DGKB: variants seen among roughly 807,000 people sequenced by gnomAD.
DGKB encodes the protein 90 kDa diacylglycerol kinase.
Under a neutral mutation model 114.3 loss-of-function variants are expected in DGKB, and 67 were observed. That is an observed-to-expected ratio of 0.59 (90% CI 0.48 to 0.72). DGKB has a LOEUF of 0.72. DGKB is among the 30% of genes least tolerant of loss of function. DGKB has a pLI of 0.00. For missense variants in DGKB, 907 were observed against 975.2 expected (o/e 0.93, Z 0.93); for synonymous variants, 398 against 323.1 (o/e 1.23, Z -2.49).
chr7:14,235,657 TA>T (rs1792648735), intron 23 of DGKB, among the ~76,000 whole-genome samples: 1 of 152,088 alleles, frequency 6.6e-6, no homozygotes, highest in South Asian at 2.1e-4. Context: ...AAACCTGAAG[TA>T]AAGCACCACT....
chr7:14,504,056 G>T (rs1786630336), intron 20 of DGKB, among the ~76,000 whole-genome samples: 1 of 152,100 alleles, frequency 6.6e-6, no homozygotes, highest in Non-Finnish European at 1.5e-5. Flanking sequence ...GTTATGTTTG[G>T]TATCTAAATG....
intron 5 of DGKB, among the ~76,000 whole-genome samples, chr7:14,730,026 G>A (rs761655787): frequency 2.0e-4 from 30 of 152,198 alleles, no homozygotes; most frequent in Admixed American, 5.9e-4. Flanking sequence ...AAACTGTTAC[G>A]CTGACCTGCA....
chr7:14,780,392 G>T (rs913615990), intron 2 of DGKB, among the ~76,000 whole-genome samples: 1 of 152,104 alleles, frequency 6.6e-6, no homozygotes, highest in Non-Finnish European at 1.5e-5. Flanking sequence ...TTATTCTACA[G>T]TTTCAAAACC....
At chr7:14,770,785 A>G (rs1046062701) in intron 2 of DGKB, among the ~76,000 whole-genome samples, 46 of 152,188 alleles carry the variant, frequency 3.0e-4, no homozygotes, top group African/African-American at 1.0e-3. Context: ...TTTCACTAAC[A>G]GCTGAACAGA....
At chr7:14,259,429 GGTTTT>G (rs1254602004) in intron 23 of DGKB, among the ~76,000 whole-genome samples, 2 of 139,676 alleles carry the variant, frequency 1.4e-5, no homozygotes, top group African/African-American at 5.5e-5. Flanking sequence ...ATATATATAT[GGTTTT>G]GTTTTGTTAT....
Position 14,789,404 on chromosome 7 carries a change from T to C in DGKB, c.71-31673A>G, listed in dbSNP as rs73276082. ...TCAAAAATGCTATGTGCATCCATGT[T>C]GTTGCATTTATTATTGATCCATCCA... On this transcript the variant is annotated intron_variant, in intron 2 of 25. Transcript: ENST00000402815. Among the ~76,000 whole-genome samples, 993 of 152,286 alleles carry C rather than the reference T, an allele frequency of 6.5e-3. 13 individuals carry two copies. Among genetic ancestry groups the C allele is most frequent in the African/African-American group, 0.023 (936 of 41,562 alleles).
chr7:14,810,975 C>T (rs1450558452), intron 2 of DGKB, among the ~76,000 whole-genome samples: 1 of 152,000 alleles, frequency 6.6e-6, no homozygotes, highest in Non-Finnish European at 1.5e-5. Flanking sequence ...TTGGAGTAGC[C>T]ACCTTTCACC....
intron 13 of DGKB, among the ~76,000 whole-genome samples, chr7:14,647,059 AACG>A (rs1184900281): frequency 6.6e-6 from 1 of 151,916 alleles, no homozygotes; most frequent in Non-Finnish European, 1.5e-5. Context: ...GATAAACTAA[AACG>A]ACAATTAGAC....
intron 6 of DGKB, among the ~76,000 whole-genome samples, chr7:14,708,890 G>A (rs1278850780): frequency 7.5e-4 from 113 of 150,432 alleles, no homozygotes; most frequent in Middle Eastern, 3.4e-3. Flanking sequence ...TTTACCATTC[G>A]GGACATAGGC....
At position 14,671,531 on chromosome 7, in the gene DGKB, C is replaced by T. The variant is rs967830732; in HGVS notation, c.1134+1398G>A. 5.3e-5 allele frequency among the ~76,000 whole-genome samples: 8 copies of T among 152,236 alleles called. No homozygotes were observed. The East Asian group carries it at 1.4e-3, about 26-fold the overall frequency. ...AAGACAAGAAAATTCACGTAACACA[C>T]GCTCTTTACATTTGATTCTCTCAAA... On this transcript the variant is annotated intron_variant, in intron 13 of 25. Transcript: ENST00000402815.
At chr7:14,779,427 C>T (rs992759628) in intron 2 of DGKB, among the ~76,000 whole-genome samples, 8 of 151,998 alleles carry the variant, frequency 5.3e-5, no homozygotes, top group African/African-American at 9.7e-5. Context: ...GTCCCAACTA[C>T]GCAGGAGGTT....
At chr7:14,598,833 T>TC in intron 17 of DGKB, among the ~76,000 whole-genome samples, 1 of 152,304 alleles carries the variant, frequency 6.6e-6, no homozygotes, top group Non-Finnish European at 1.5e-5. Context: ...ATGCTCTTTT[T>TC]CTCACATACA....
At chr7:14,517,148 G>C (rs1788940186) in intron 20 of DGKB, among the ~76,000 whole-genome samples, 1 of 151,840 alleles carries the variant, frequency 6.6e-6, no homozygotes, top group Non-Finnish European at 1.5e-5. Context: ...TCAGAAATAA[G>C]GCCATGCACC....
intron 1 of DGKB, among the ~76,000 whole-genome samples, chr7:14,924,053 G>A (rs1784636585): frequency 6.8e-6 from 1 of 148,146 alleles, no homozygotes; most frequent in Non-Finnish European, 1.5e-5. Flanking sequence ...CCTGAAGGCA[G>A]AAGGCAGGTC....
intron 1 of DGKB, among the ~76,000 whole-genome samples, chr7:14,910,376 C>T (rs1301352669): frequency 6.6e-6 from 1 of 151,222 alleles, no homozygotes. Flanking sequence ...AAAAACACAC[C>T]TATGATAAGT....
intron 13 of DGKB, among the ~76,000 whole-genome samples, chr7:14,645,774 C>A (rs564852919): frequency 6.6e-6 from 1 of 151,778 alleles, no homozygotes; most frequent in East Asian, 1.9e-4. Context: ...GTAAAGTTTT[C>A]TCAGACAAGC....
intron 21 of DGKB, among the ~76,000 whole-genome samples, chr7:14,351,836 T>C (rs1014856887): frequency 5.3e-5 from 8 of 152,202 alleles, no homozygotes; most frequent in African/African-American, 1.9e-4. Flanking sequence ...ACACATGTTA[T>C]AGAAAGAACT....
intron 1 of DGKB, among the ~76,000 whole-genome samples, chr7:14,858,432 A>G (rs1850493670): frequency 6.6e-6 from 1 of 152,222 alleles, no homozygotes; most frequent in Non-Finnish European, 1.5e-5. Context: ...AATAAAATAG[A>G]AAATATGTAC....
intron 4 of DGKB, among the ~76,000 whole-genome samples, chr7:14,740,477 A>G (rs747876932): frequency 2.6e-5 from 4 of 152,102 alleles, no homozygotes; most frequent in Non-Finnish European, 4.4e-5. Flanking sequence ...GAGAGGACCC[A>G]ATTTTAGAGC....
Sources: allele counts gnomAD v4.1 joint callset (sites outside exome capture counted in the v4.1 genomes callset), GRCh38; gene constraint gnomAD v4.1.1; transcripts MANE v1.5; gene names NCBI Gene and HGNC (gene_info 2026-07-23, HGNC 2026-07-21).